RBM15: variants seen among roughly 807,000 people sequenced by gnomAD.
RBM15 encodes the protein RNA-binding protein 15.
A neutral mutation model predicts 62.6 loss-of-function variants in RBM15; 8 were observed. That is an observed-to-expected ratio of 0.13 (90% CI 0.07 to 0.23). RBM15 has a LOEUF of 0.23. RBM15 is among the 10% of genes least tolerant of loss of function. The probability of loss-of-function intolerance (pLI) is 1.00; values close to 1 mark genes in which losing one functional copy is unlikely to be tolerated. For missense variants in RBM15, 1,144 were observed against 1,286.5 expected, an observed-to-expected ratio of 0.89 and a Z score of 1.69; for synonymous variants, 606 against 505.7, an observed-to-expected ratio of 1.20 and a Z score of -2.66.
chr1:110,339,506 T>A lies in RBM15; in HGVS notation c.101T>A (p.Leu34His). 1.3e-6 allele frequency: 2 copies of A among 1,595,946 alleles called. No homozygotes were observed. Among genetic ancestry groups the A allele is most frequent in the Non-Finnish European group, 1.7e-6 (2 of 1,168,442 alleles). Residue 34 changes from leucine (L) to histidine (H), a missense_variant, in exon 1 of 3, where the codon CTC becomes CAC. This residue lies in a region of RBM15 where 298 missense variants were observed against 250.0 expected (regional missense o/e 1.19). Coordinates refer to ENST00000369784, the MANE Select transcript of RBM15 (RefSeq NM_022768.5). ...AGCGCGGGGCGGCGGGTTACTCAGCTCCGCGGAGACGACCTCCGACGACCC... is the reference window on the plus strand; with the variant it reads ...AGCGCGGGGCGGCGGGTTACTCAGCACCGCGGAGACGACCTCCGACGACCC... ...ETSAGRRVTQ[L>H]RGDDLRRPAT...
chr1:110,342,456 G>A, intron 1 of RBM15, 188 bp downstream of exon 1: 2 of 471,906 alleles, frequency 4.2e-6, no homozygotes. Flanking sequence ...TTTTTTGTTT[G>A]TTTAGCTATT....
chr1:110,346,040 A>G (rs1660891373), intron 2 of RBM15, among the ~76,000 whole-genome samples: 2 of 152,160 alleles, frequency 1.3e-5, no homozygotes, highest in South Asian at 2.1e-4. Flanking sequence ...TACATGAGTT[A>G]AAGGATATTT....
In RBM15 at chr1:110,346,539, T is replaced by G; in HGVS notation, c.*272T>G. The G allele has an allele frequency of 1.7e-6, 1 of 598,432 alleles. No individual in the cohort carries two copies. Among genetic ancestry groups the G allele is most frequent in the South Asian group, 2.3e-5 (1 of 44,072 alleles). 37.1% of individuals were successfully genotyped at this position (598,432 alleles called of 1,614,324 possible). A position where few individuals can be genotyped will look rare whatever the true frequency, so the allele number is the denominator to read the frequency against. On this transcript the variant is annotated 3_prime_UTR_variant, in exon 3 of 3. Transcript: ENST00000369784. ...AAAATGACCTCTTTGATTTGTGCTG[T>G]GTACACAAGATTTCTGGAAAAGTAA...
At position 110,346,438 on chromosome 1, in the gene RBM15, T is replaced by C; in HGVS notation, c.*171T>C. 1 of 1,309,554 alleles carries C rather than the reference T, an allele frequency of 7.6e-7. No homozygotes were observed. Among genetic ancestry groups the C allele is most frequent in the South Asian group, 1.2e-5 (1 of 81,494 alleles). 81.1% of individuals were successfully genotyped at this position (1,309,554 alleles called of 1,614,324 possible). On this transcript the variant is annotated 3_prime_UTR_variant, in exon 3 of 3. Coordinates refer to ENST00000369784, the MANE Select transcript of RBM15 (RefSeq NM_022768.5). ...AGAAAGCTAATCTGTTTAGTATTTG[T>C]GCATTTTACTAAAATGGCAGCTTAA...
Position 110,340,755 on chromosome 1 carries a change from A to G in RBM15, c.1350A>G (p.Lys450=). ...IRNPIKIGYG[K]ATPTTRLWVG... ...ATCCTATCAAAATTGGTTATGGTAA[A>G]GCTACACCCACCACCCGCCTCTGGG... is the stretch of plus-strand genomic sequence containing the variant. The change falls in exon 1 of 3, where the codon AAA becomes AAG. Residue 450 remains lysine, a synonymous_variant. Coordinates refer to ENST00000369784, the MANE Select transcript of RBM15 (RefSeq NM_022768.5). This position sits in a 1 kb window ranked among gnomAD's most constrained non-coding sequence, Gnocchi z 5.8. 1 of 1,614,046 alleles carries G rather than the reference A, an allele frequency of 6.2e-7. No individual in the cohort carries two copies. Among genetic ancestry groups the G allele is most frequent in the Non-Finnish European group, 8.5e-7 (1 of 1,180,014 alleles).
In RBM15 at chr1:110,341,153, ACT is replaced by A; in HGVS notation, c.1751_1752del (p.Ser584Ter). The A allele has an allele frequency of 6.2e-7, 1 of 1,613,448 alleles. No homozygotes were observed. Among genetic ancestry groups the A allele is most frequent in the Non-Finnish European group, 8.5e-7 (1 of 1,179,816 alleles). Reference sequence around the variant, plus strand: ...GATCGTGATAGGGACCTTTATCCTGACTCTGATTGGGTGCCACCCCCACCCCC... The same window carrying A: ...GATCGTGATAGGGACCTTTATCCTGACTGATTGGGTGCCACCCCCACCCCC... On this transcript the variant is annotated frameshift_variant, in exon 1 of 3. Transcript: ENST00000369784. LOFTEE classifies it high-confidence loss of function. This position sits in a 1 kb window ranked among gnomAD's most constrained non-coding sequence, Gnocchi z 4.5.
chr1:110,339,942 C>T lies in RBM15; in HGVS notation c.537C>T (p.Ser179=). The change falls in exon 1 of 3, where the codon TCC becomes TCT. Residue 179 remains serine, a synonymous_variant. Coordinates refer to ENST00000369784, the MANE Select transcript of RBM15 (RefSeq NM_022768.5). ...YKTLKISELG[S]QLSDEAVEDG... ...CTCTGAAGATAAGCGAGTTGGGGTCCCAGCTTAGTGACGAAGCGGTGGAGG... is the reference window on the plus strand; with the variant it reads ...CTCTGAAGATAAGCGAGTTGGGGTCTCAGCTTAGTGACGAAGCGGTGGAGG... 1 of 1,613,976 alleles carries T rather than the reference C, an allele frequency of 6.2e-7. No homozygotes were observed. Among genetic ancestry groups the T allele is most frequent in the South Asian group, 1.1e-5 (1 of 91,076 alleles).
rs1251921690 is a variant in RBM15, at chr1:110,340,530, G to C, written c.1125G>C (p.Thr375=). The stretch of plus-strand genomic sequence containing the variant: ...AGGATGATCAGCGAGCTAACCGGAC[G>C]CTCTTCTTGGGCAACCTAGACATCA... The part of the protein sequence containing the change: ...SPEDDQRANR[T]LFLGNLDITV... The change falls in exon 1 of 3, where the codon ACG becomes ACC. Residue 375 remains threonine (T), a synonymous_variant. Coordinates refer to ENST00000369784, the MANE Select transcript of RBM15 (RefSeq NM_022768.5). This position sits in a 1 kb window ranked among gnomAD's most constrained non-coding sequence, Gnocchi z 5.8. 3.1e-6 allele frequency: 5 copies of C among 1,614,090 alleles called. No individual in the cohort carries two copies. In the African/African-American group the frequency reaches 5.3e-5, roughly 17 times the overall value.
In RBM15 at chr1:110,339,438, G is replaced by A. The variant is rs372490402; in HGVS notation, c.33G>A (p.Arg11=). The A allele has an allele frequency of 2.0e-6, 3 of 1,535,236 alleles. No individual in the cohort carries two copies. Among genetic ancestry groups the A allele is most frequent in the East Asian group, 2.3e-5 (1 of 44,030 alleles). Residue 11 remains arginine, a synonymous_variant, in exon 1 of 3, where the codon CGG becomes CGA. Transcript: ENST00000369784. MRTAGRDPVP[R]RSPRWRRAVP... ...CTGCGGGGCGGGACCCTGTGCCGCG[G>A]CGGAGTCCAAGATGGCGGCGTGCGG...
rs747415322 is a variant in RBM15 at position 110,339,745 on chromosome 1, A to G, written c.340A>G (p.Thr114Ala). The part of the protein sequence containing the change: ...SSRGGSREYD[T>A]GGGSSSSRLH... ...TCGAGGTGGCAGCCGCGAGTATGAT[A>G]CCGGTGGGGGCAGCTCCAGTAGCCG... The change falls in exon 1 of 3, where the codon ACC (threonine) becomes GCC (alanine). Residue 114 changes from threonine (T) to alanine (A), a missense_variant. Thr to Ala is a moderately conservative substitution (Grantham distance 58, BLOSUM62 0). Around this residue, in one of 8 missense-constraint regions of RBM15, gnomAD observed 298 missense variants for 250.0 expected, o/e 1.19. Coordinates refer to ENST00000369784, the MANE Select transcript of RBM15 (RefSeq NM_022768.5). The G allele has an allele frequency of 4.3e-6, 7 of 1,612,498 alleles. No individual in the cohort carries two copies. The highest frequency in any genetic ancestry group is 4.2e-6 in the Non-Finnish European group (5 of 1,179,568).
At position 110,339,395 on chromosome 1, in the gene RBM15, G is replaced by A. The variant is rs1232603305; in HGVS notation, c.-11G>A. 6.6e-7 allele frequency: 1 copy of A among 1,508,364 alleles called. No homozygotes were observed. The highest frequency in any genetic ancestry group is 8.9e-7 in the Non-Finnish European group (1 of 1,128,388). 93.4% of individuals were successfully genotyped at this position (1,508,364 alleles called of 1,614,324 possible). On this transcript the variant is annotated 5_prime_UTR_variant, in exon 1 of 3. Transcript: ENST00000369784. Reference sequence around the variant, plus strand: ...TCCCAATGAGACTGTAGAAGAGAGAGCAATTGGCCAATGAGGACTGCGGGG... The same window carrying A: ...TCCCAATGAGACTGTAGAAGAGAGAACAATTGGCCAATGAGGACTGCGGGG...
chr1:110,344,206 C>T (rs1213266498), intron 1 of RBM15, among the ~76,000 whole-genome samples: 3 of 152,270 alleles, frequency 2.0e-5, no homozygotes, highest in South Asian at 2.1e-4. Flanking sequence ...AGTCTACATA[C>T]GTGGGCTCAT....
In RBM15 at chr1:110,339,599, C is replaced by T. The variant is rs200684981; in HGVS notation, c.194C>T (p.Thr65Ile). ...AKRSRGGEDS[T>I]SRGERSKKLG... The stretch of plus-strand genomic sequence containing the variant: ...CGCTCCCGTGGTGGTGAGGACTCGA[C>T]TTCCCGCGGTGAGCGGAGCAAGAAG... Residue 65 changes from threonine to isoleucine, a missense_variant, in exon 1 of 3, where the codon ACT becomes ATT. Coordinates refer to ENST00000369784, the MANE Select transcript of RBM15 (RefSeq NM_022768.5). The T allele has an allele frequency of 9.3e-6, 15 of 1,609,014 alleles. No homozygotes were observed. Among genetic ancestry groups the T allele is most frequent in the South Asian group, 3.3e-5 (3 of 90,940 alleles).
At position 110,346,322 on chromosome 1, in the gene RBM15, C is replaced by T; in HGVS notation, c.*55C>T. 1 of 1,598,204 alleles carries T rather than the reference C, an allele frequency of 6.3e-7. No individual in the cohort carries two copies. The highest frequency in any genetic ancestry group is 8.5e-7 in the Non-Finnish European group (1 of 1,179,738). Reference sequence around the variant, plus strand: ...CCCTCCGCAAGCAAAACTGGTTGAACAGCGGATGAAGATATGGAATTCAAA... The same window carrying T: ...CCCTCCGCAAGCAAAACTGGTTGAATAGCGGATGAAGATATGGAATTCAAA... On this transcript the variant is annotated 3_prime_UTR_variant, in exon 3 of 3. Coordinates refer to ENST00000369784, the MANE Select transcript of RBM15 (RefSeq NM_022768.5).
Position 110,340,362 on chromosome 1 carries a change from T to G in RBM15, c.957T>G (p.Pro319=), listed in dbSNP as rs377679125. ...QLALGRLPPP[P]PPPLPRDLER... The stretch of plus-strand genomic sequence containing the variant: ...CTCTTGGCCGCCTGCCCCCTCCACC[T>G]CCGCCACCATTGCCTCGAGACCTGG... Residue 319 remains proline, a synonymous_variant, in exon 1 of 3, where the codon CCT becomes CCG. Coordinates refer to ENST00000369784, the MANE Select transcript of RBM15 (RefSeq NM_022768.5). This position sits in a 1 kb window ranked among gnomAD's most constrained non-coding sequence, Gnocchi z 5.8. 1.6e-5 allele frequency: 26 copies of G among 1,614,064 alleles called. No individual in the cohort carries two copies. In the African/African-American group the frequency reaches 3.2e-4, roughly 20 times the overall value.
chr1:110,340,115 G>T lies in RBM15; in HGVS notation c.710G>T (p.Arg237Leu). Residue 237 changes from arginine to leucine, a missense_variant, in exon 1 of 3, where the codon CGC becomes CTC. Arg to Leu is a moderately radical substitution (Grantham distance 102). Around this residue, in one of 8 missense-constraint regions of RBM15, gnomAD observed 188 missense variants for 185.6 expected, o/e 1.01. Transcript: ENST00000369784. This position sits in a 1 kb window ranked among gnomAD's most constrained non-coding sequence, Gnocchi z 5.8. ...CGGGCGGCCAAGCATGCCAGAGGCC[G>T]CCTGGTGCTCTATGACCGGCCTCTG... is the stretch of plus-strand genomic sequence containing the variant. ...DARAAKHARG[R>L]LVLYDRPLKI... The T allele has an allele frequency of 6.2e-7, 1 of 1,613,840 alleles. No individual in the cohort carries two copies. Among genetic ancestry groups the T allele is most frequent in the South Asian group, 1.1e-5 (1 of 91,088 alleles).
intron 1 of RBM15, among the ~76,000 whole-genome samples, chr1:110,343,567 G>A (rs1338529394): frequency 6.7e-6 from 1 of 150,244 alleles, no homozygotes; most frequent in African/African-American, 2.5e-5. Flanking sequence ...TTCTCAACAA[G>A]GACTTTTGCT....
intron 1 of RBM15, among the ~76,000 whole-genome samples, chr1:110,344,789 A>G (rs1265035222): frequency 6.6e-6 from 1 of 152,190 alleles, no homozygotes; most frequent in African/African-American, 2.4e-5. Flanking sequence ...TGTTCTTTGT[A>G]ACAACCAATT....
In RBM15 at chr1:110,340,039, A is replaced by G. The variant is rs765255681; in HGVS notation, c.634A>G (p.Ser212Gly). ...VKISHLSGSG[S>G]GDERVAFVNF... ...AATCAGTCATCTGTCGGGTTCTGGC[A>G]GCGGGGATGAGCGGGTAGCCTTTGT... The change falls in exon 1 of 3, where the codon AGC becomes GGC. Residue 212 changes from serine (S) to glycine (G), a missense_variant. Around this residue, in one of 8 missense-constraint regions of RBM15, gnomAD observed 188 missense variants for 185.6 expected, o/e 1.01. Transcript: ENST00000369784. This position sits in a 1 kb window ranked among gnomAD's most constrained non-coding sequence, Gnocchi z 5.8. 9.9e-6 allele frequency: 16 copies of G among 1,614,050 alleles called. No homozygotes were observed. In the Admixed American group the frequency reaches 2.7e-4, roughly 27 times the overall value.
Sources: gnomAD v4.1 joint callset for allele counts (sites outside exome capture counted in the v4.1 genomes callset) on GRCh38, gnomAD v4.1.1 for gene constraint, gnomAD v4.1.1 regional missense constraint, Gnocchi (gnomAD v3.1) non-coding constraint, MANE v1.5 for transcripts, NCBI Gene and HGNC (gene_info 2026-07-23, HGNC 2026-07-21) for gene names.